The following CSMD1 variants were observed in gnomAD, a reference collection of about 807,000 sequenced individuals.
CSMD1 encodes CUB and sushi domain-containing protein 1.
Under a neutral mutation model 417.5 loss-of-function variants are expected in CSMD1, and 213 were observed. The observed-to-expected ratio is 0.51, with a 90% CI of 0.46 to 0.57. CSMD1 has a LOEUF of 0.57. CSMD1 is among the 20% of genes least tolerant of loss of function. CSMD1 has a pLI of 0.00. For synonymous variants in CSMD1, 2,862 were observed against 1,736.8 expected (o/e 1.65, Z -16.11); for missense variants, 6,923 against 4,529.7 (o/e 1.53, Z -15.17).
At chr8:3,977,096 CAT>C (rs1372634382) in intron 5 of CSMD1, among the ~76,000 whole-genome samples, 6 of 151,988 alleles carry the variant, frequency 3.9e-5, no homozygotes, top group African/African-American at 1.5e-4. Context: ...TCTTTCCTTT[CAT>C]CTTAATTTCT....
chr8:3,357,157 C>A (rs1253005886), intron 21 of CSMD1, among the ~76,000 whole-genome samples: 1 of 152,062 alleles, frequency 6.6e-6, no homozygotes. Context: ...GAAGACAGCA[C>A]CCGAATGCAC....
At chr8:4,892,581 T>C (rs1804191949) in intron 1 of CSMD1, among the ~76,000 whole-genome samples, 1 of 152,130 alleles carries the variant, frequency 6.6e-6, no homozygotes, top group Admixed American at 6.5e-5. Context: ...TAAAAAATCA[T>C]ACAGAAATAT....
At chr8:4,251,701 A>C (rs757992181) in intron 3 of CSMD1, among the ~76,000 whole-genome samples, 9 of 152,094 alleles carry the variant, frequency 5.9e-5, no homozygotes, top group Non-Finnish European at 1.2e-4. Context: ...TTGGACAGTT[A>C]AATGTATGTG....
intron 10 of CSMD1, among the ~76,000 whole-genome samples, chr8:3,520,212 A>G (rs1242956342): frequency 6.6e-6 from 1 of 152,098 alleles, no homozygotes; most frequent in Non-Finnish European, 1.5e-5. Context: ...AAAGTACTTC[A>G]TAACTATATG....
chr8:3,853,593 G>A (rs1326061953), intron 5 of CSMD1, among the ~76,000 whole-genome samples: 2 of 151,924 alleles, frequency 1.3e-5, no homozygotes. Flanking sequence ...AAATAAAAAA[G>A]AAGGCACTTA....
chr8:3,936,929 C>G (rs1383844008), intron 5 of CSMD1, among the ~76,000 whole-genome samples: 1 of 152,140 alleles, frequency 6.6e-6, no homozygotes, highest in Non-Finnish European at 1.5e-5. Context: ...GTTTGTGATT[C>G]ATGGGAAGAG....
intron 63 of CSMD1, among the ~76,000 whole-genome samples, chr8:2,956,349 T>A (rs1424885795): frequency 6.6e-6 from 1 of 152,140 alleles, no homozygotes. Context: ...GTATACTCTA[T>A]ATCTCAAATC....
At chr8:3,510,518 A>G (rs1259340277) in intron 10 of CSMD1, among the ~76,000 whole-genome samples, 1 of 151,862 alleles carries the variant, frequency 6.6e-6, no homozygotes, top group African/African-American at 2.4e-5. Context: ...AGAAAATCTT[A>G]GAAGGTCTTT....
At chr8:3,315,696 T>C (rs1366775590) in intron 23 of CSMD1, among the ~76,000 whole-genome samples, 2 of 152,090 alleles carry the variant, frequency 1.3e-5, no homozygotes, top group Non-Finnish European at 2.9e-5. Flanking sequence ...TAAACAGAAA[T>C]GTAAACTTCT....
chr8:4,512,757 C>T (rs1333438740), intron 2 of CSMD1, among the ~76,000 whole-genome samples: 3 of 150,224 alleles, frequency 2.0e-5, no homozygotes, highest in Non-Finnish European at 3.0e-5. Flanking sequence ...ATATGAAGAA[C>T]TCTATAAAAC....
rs540522555 is a variant in CSMD1, at chr8:3,187,446, A to G, written c.5620+423T>C. ...GTGGACTACAATTTCGTGCCTGGCTACATATGAGTAGGGTAGAATCTCAGG... is the reference window on the plus strand; with the variant it reads ...GTGGACTACAATTTCGTGCCTGGCTGCATATGAGTAGGGTAGAATCTCAGG... On this transcript the variant is annotated intron_variant, in intron 36 of 69. Coordinates refer to ENST00000635120, the MANE Select transcript of CSMD1 (RefSeq NM_033225.6). Among the ~76,000 whole-genome samples the G allele has an allele frequency of 2.0e-5, 3 of 152,284 alleles. No individual in the cohort carries two copies. In the South Asian group the frequency reaches 6.2e-4, roughly 32 times the overall value.
chr8:4,645,154 T>A (rs767866175), intron 1 of CSMD1, among the ~76,000 whole-genome samples: 2 of 152,154 alleles, frequency 1.3e-5, no homozygotes, highest in Non-Finnish European at 2.9e-5. Flanking sequence ...AAGCTAATTT[T>A]TCTCCTACAT....
intron 10 of CSMD1, among the ~76,000 whole-genome samples, chr8:3,510,590 G>A (rs1000557125): frequency 2.6e-5 from 4 of 151,764 alleles, no homozygotes; most frequent in African/African-American, 9.7e-5. Context: ...ACAAAATAAT[G>A]CCTCAAAAAA....
chr8:3,391,372 A>G (rs1215901270), intron 17 of CSMD1, among the ~76,000 whole-genome samples: 1 of 152,208 alleles, frequency 6.6e-6, no homozygotes, highest in East Asian at 1.9e-4. Context: ...CTAAAATTAA[A>G]TGGAAAACCT....
chr8:3,753,624 T>C (rs1797482006), intron 6 of CSMD1, among the ~76,000 whole-genome samples: 1 of 152,220 alleles, frequency 6.6e-6, no homozygotes, highest in African/African-American at 2.4e-5. Flanking sequence ...GCCAAACTGC[T>C]GTGGATATTT....
chr8:3,455,977 C>G (rs777957388), intron 12 of CSMD1, among the ~76,000 whole-genome samples: 131 of 152,330 alleles, frequency 8.6e-4, no homozygotes, highest in Non-Finnish European at 1.6e-3. Context: ...AGCTTCCGGG[C>G]TGCTTTGTTT....
At chr8:4,414,003 G>C (rs571848785) in intron 3 of CSMD1, among the ~76,000 whole-genome samples, 1 of 152,264 alleles carries the variant, frequency 6.6e-6, no homozygotes, top group African/African-American at 2.4e-5. Context: ...CTAATGGAGA[G>C]CCAGCTGCTC....
intron 12 of CSMD1, among the ~76,000 whole-genome samples, chr8:3,456,767 G>C (rs1011840909): frequency 1.3e-5 from 2 of 152,118 alleles, no homozygotes; most frequent in Non-Finnish European, 2.9e-5. Context: ...AAAGCCTGCA[G>C]ATGACCCATC....
intron 5 of CSMD1, among the ~76,000 whole-genome samples, chr8:3,967,363 T>C (rs1812747772): frequency 6.6e-6 from 1 of 152,092 alleles, no homozygotes. Flanking sequence ...CTTGTAAACA[T>C]GGAACTGCAG....
Sources: allele counts gnomAD v4.1 joint callset (sites outside exome capture counted in the v4.1 genomes callset), GRCh38; gene constraint gnomAD v4.1.1; transcripts MANE v1.5; gene names NCBI Gene and HGNC (gene_info 2026-07-23, HGNC 2026-07-21).